TENM1: variants seen among roughly 807,000 people sequenced by gnomAD.
TENM1 encodes the protein teneurin-1.
In TENM1, 35 loss-of-function variants were observed where a neutral mutation model predicts 174.8. The observed-to-expected ratio is 0.20, with a 90% CI of 0.15 to 0.27. The LOEUF (loss-of-function observed/expected upper bound fraction) is 0.27, where lower values mean the gene tolerates loss of function less well. Ranked by LOEUF, TENM1 falls within the 10% of genes least tolerant of loss-of-function variation. The probability of loss-of-function intolerance (pLI) is 1.00; values close to 1 mark genes in which losing one functional copy is unlikely to be tolerated. For missense variants in TENM1, 1,633 were observed against 2,130.1 expected (o/e 0.77, Z 4.59); for synonymous variants, 781 against 798.7 (o/e 0.98, Z 0.37).
At chrX:124,867,505 G>A (rs1483716435) in intron 3 of TENM1, among the ~76,000 whole-genome samples, 2 of 111,992 alleles carry the variant, frequency 1.8e-5, no homozygotes, top group East Asian at 2.8e-4. Context: ...TATAAAAGTC[G>A]TATTTGGCAG....
the TENM1 span, among the ~76,000 whole-genome samples, chrX:125,045,377 A>C: frequency 1.8e-5 from 2 of 111,505 alleles, no homozygotes; most frequent in East Asian, 5.7e-4. Context: ...TCTTCCTGAA[A>C]TATACCTTAA....
At chrX:125,067,379 A>C in the TENM1 span, among the ~76,000 whole-genome samples, 8 of 111,036 alleles carry the variant, frequency 7.2e-5, no homozygotes, top group Admixed American at 7.7e-4. Context: ...ACTTTACTAC[A>C]TTGGAGCTTT....
At chrX:124,454,156 A>G (rs1433669611) in intron 22 of TENM1, among the ~76,000 whole-genome samples, 1 of 111,786 alleles carries the variant, frequency 8.9e-6, no homozygotes, top group African/African-American at 3.3e-5. Flanking sequence ...TTATAATAGC[A>G]GTTAGAAGGC....
intron 5 of TENM1, among the ~76,000 whole-genome samples, chrX:124,683,004 C>T (rs113241341): frequency 0.018 from 2,021 of 111,232 alleles, 42 homozygotes; most frequent in African/African-American, 0.064. Flanking sequence ...TGATATAGGA[C>T]GTTGACAATA....
the TENM1 span, chrX:125,203,863 G>A: frequency 8.8e-6 from 1 of 113,422 alleles, no homozygotes; most frequent in Non-Finnish European, 1.9e-5. Context: ...CCCCTCGCCA[G>A]GTGCTCGGCT....
At chrX:125,025,769 G>A in the TENM1 span, among the ~76,000 whole-genome samples, 11,940 of 111,053 alleles carry the variant, frequency 0.11, 1,295 homozygotes, top group African/African-American at 0.33. Context: ...ACACTAAAAT[G>A]ATAGTCCCAA....
chrX:124,647,775 G>A lies in TENM1; in HGVS notation c.1580-965C>T, dbSNP rs142294198. Among the ~76,000 whole-genome samples the A allele has an allele frequency of 8.3e-3, 895 of 107,600 alleles. 6 individuals are homozygous for A. The highest frequency in any genetic ancestry group is 0.025 in the African/African-American group (745 of 29,409). 93.4% of individuals were successfully genotyped at this position (107,600 alleles called of 115,157 possible). On this transcript the variant is annotated intron_variant, in intron 8 of 31. Transcript: ENST00000422452. ...TGTGTTTGTGTGTGTGTGTGTTATC[G>A]TCTCCTCATTACACCTTTCTATAAA...
chrX:125,116,461 C>A, the TENM1 span, among the ~76,000 whole-genome samples: 1 of 111,465 alleles, frequency 9.0e-6, no homozygotes, highest in East Asian at 2.8e-4. Context: ...ACCTACAGAA[C>A]GGGAGAAAAT....
the TENM1 span, among the ~76,000 whole-genome samples, chrX:125,091,176 A>C: frequency 7.2e-5 from 8 of 110,711 alleles, no homozygotes; most frequent in Non-Finnish European, 1.5e-4. Context: ...AAAGATGAAA[A>C]CATATTGGTA....
At chrX:124,442,985 G>GT (rs66767133) in intron 23 of TENM1, among the ~76,000 whole-genome samples, 30 of 91,509 alleles carry the variant, frequency 3.3e-4, no homozygotes, top group African/African-American at 5.7e-4. Context: ...TAAAACTACT[G>GT]TTTTTTTTTT....
the TENM1 span, among the ~76,000 whole-genome samples, chrX:125,187,843 CA>C: frequency 3.6e-5 from 4 of 111,123 alleles, no homozygotes; most frequent in Admixed American, 2.9e-4. Flanking sequence ...GAAAGATGTT[CA>C]AAAATATTTA....
chrX:124,707,094 C>A (rs1263195976), intron 4 of TENM1, among the ~76,000 whole-genome samples: 2 of 110,875 alleles, frequency 1.8e-5, no homozygotes, highest in Non-Finnish European at 3.8e-5. Flanking sequence ...TAACTTCCAC[C>A]TCCTGGGTTC....
chrX:124,954,602 A>G (rs1314162565), intron 1 of TENM1, among the ~76,000 whole-genome samples: 1 of 111,858 alleles, frequency 8.9e-6, no homozygotes, highest in East Asian at 2.8e-4. Flanking sequence ...TGACAGTAGT[A>G]AATCAAGATG....
intron 3 of TENM1, among the ~76,000 whole-genome samples, chrX:124,863,610 C>T (rs1415032082): frequency 1.8e-5 from 2 of 111,833 alleles, no homozygotes; most frequent in African/African-American, 6.5e-5. Flanking sequence ...TACAATAGAA[C>T]GCCAGGTATT....
intron 4 of TENM1, among the ~76,000 whole-genome samples, chrX:124,736,305 C>T (rs951175296): frequency 9.0e-6 from 1 of 111,700 alleles, no homozygotes; most frequent in Admixed American, 9.5e-5. Flanking sequence ...GATCAAGGGA[C>T]CTAGAACTGC....
the TENM1 span, among the ~76,000 whole-genome samples, chrX:125,078,949 A>G: frequency 9.0e-6 from 1 of 111,655 alleles, no homozygotes; most frequent in African/African-American, 3.2e-5. Flanking sequence ...TGTAAGAACT[A>G]TTATTATTCC....
At chrX:124,398,785 T>C (rs938005069) in intron 27 of TENM1, among the ~76,000 whole-genome samples, 2 of 111,645 alleles carry the variant, frequency 1.8e-5, no homozygotes, top group Non-Finnish European at 3.8e-5. Flanking sequence ...ACAATCGTGA[T>C]AGCATTTCCA....
chrX:124,762,393 T>A (rs778966672), intron 3 of TENM1, among the ~76,000 whole-genome samples: 151 of 112,748 alleles, frequency 1.3e-3, no homozygotes, highest in African/African-American at 4.8e-3. Flanking sequence ...TTCTACCATA[T>A]CTTACATTCC....
intron 1 of TENM1, among the ~76,000 whole-genome samples, chrX:124,901,196 C>T (rs2057657308): frequency 9.0e-6 from 1 of 111,626 alleles, no homozygotes; most frequent in Non-Finnish European, 1.9e-5. Context: ...CTCATCACTG[C>T]TAAGCTTTCA....
Sources: gnomAD v4.1 joint callset for allele counts (sites outside exome capture counted in the v4.1 genomes callset) on GRCh38, gnomAD v4.1.1 for gene constraint, MANE v1.5 for transcripts, NCBI Gene and HGNC (gene_info 2026-07-23, HGNC 2026-07-21) for gene names.